Variants in EPC2 observed in about 807,000 individuals in gnomAD.
EPC2 encodes the protein enhancer of polycomb homolog 2.
In EPC2, 14 loss-of-function variants were observed where a neutral mutation model predicts 92.1. The ratio of observed to expected loss-of-function variants is 0.15; its 90% CI spans 0.10 to 0.24. The LOEUF (loss-of-function observed/expected upper bound fraction) is 0.24. Among genes scored for constraint, EPC2 ranks in the 10% least tolerant of loss-of-function variants. The pLI, the probability that EPC2 is intolerant of heterozygous loss-of-function variation, is 1.00. For synonymous variants in EPC2, 340 were observed against 334.7 expected (o/e 1.02, Z -0.17); for missense variants, 755 against 971.5 (o/e 0.78, Z 2.96).
intron 1 of EPC2, among the ~76,000 whole-genome samples, chr2:148,684,603 A>T (rs191876163): frequency 1.3e-5 from 2 of 152,234 alleles, no homozygotes; most frequent in South Asian, 4.1e-4. Context: ...ACTGTTTGGT[A>T]ATATTCATGA....
chr2:148,675,732 T>G (rs1036337375), intron 1 of EPC2, among the ~76,000 whole-genome samples: 1 of 152,250 alleles, frequency 6.6e-6, no homozygotes, highest in Non-Finnish European at 1.5e-5. Flanking sequence ...ACTCTTGTGC[T>G]GATGGCCTAT....
chr2:148,752,712 C>G (rs750586532), intron 3 of EPC2, among the ~76,000 whole-genome samples: 1 of 152,036 alleles, frequency 6.6e-6, no homozygotes, highest in African/African-American at 2.4e-5. Flanking sequence ...AATAAGAAAC[C>G]GATGAATTAA....
chr2:148,774,624 T>TATTATATA (rs935978031), intron 10 of EPC2, among the ~76,000 whole-genome samples: 3 of 132,574 alleles, frequency 2.3e-5, no homozygotes, highest in East Asian at 2.6e-4. Flanking sequence ...AAAATATATT[T>TATTATATA]TATATATATA....
At chr2:148,676,687 TG>T (rs1195351732) in intron 1 of EPC2, among the ~76,000 whole-genome samples, 1 of 152,004 alleles carries the variant, frequency 6.6e-6, no homozygotes, top group Non-Finnish European at 1.5e-5. Flanking sequence ...AAAGTTATGT[TG>T]TTTTTTTACT....
intron 1 of EPC2, among the ~76,000 whole-genome samples, chr2:148,647,318 G>T (rs1683823571): frequency 6.6e-6 from 1 of 151,872 alleles, no homozygotes; most frequent in Admixed American, 6.6e-5. Context: ...TTGTTTATTT[G>T]TTTTTTGAGA....
At chr2:148,690,075 G>T (rs1231159621) in intron 1 of EPC2, 139 bp from the exon 2 acceptor site, 2 of 733,962 alleles carry the variant, frequency 2.7e-6, no homozygotes, top group East Asian at 2.9e-5. Context: ...CAATGTAACT[G>T]TAGGTCTTTG....
At chr2:148,698,278 C>A (rs1404454273) in intron 2 of EPC2, among the ~76,000 whole-genome samples, 1 of 152,104 alleles carries the variant, frequency 6.6e-6, no homozygotes, top group Admixed American at 6.6e-5. Flanking sequence ...AAGCCACCTC[C>A]CTGCCCCACC....
chr2:148,658,891 TTCCCCC>T (rs1680877437), intron 1 of EPC2, among the ~76,000 whole-genome samples: 1 of 152,046 alleles, frequency 6.6e-6, no homozygotes, highest in Non-Finnish European at 1.5e-5. Flanking sequence ...TGTATATCTT[TTCCCCC>T]TTTGTGTAGT....
At chr2:148,767,883 T>C (rs1438616454) in intron 7 of EPC2, among the ~76,000 whole-genome samples, 1 of 152,210 alleles carries the variant, frequency 6.6e-6, no homozygotes, top group African/African-American at 2.4e-5. Context: ...GTGTATATCT[T>C]AGAATAGGTA....
intron 1 of EPC2, among the ~76,000 whole-genome samples, chr2:148,662,655 C>A (rs756450492): frequency 6.1e-5 from 9 of 146,456 alleles, no homozygotes; most frequent in Non-Finnish European, 1.0e-4. Context: ...CATAACACAC[C>A]GGGGACTGTT....
At chr2:148,738,669 A>T (rs1682815868) in intron 2 of EPC2, among the ~76,000 whole-genome samples, 1 of 152,228 alleles carries the variant, frequency 6.6e-6, no homozygotes, top group African/African-American at 2.4e-5. Context: ...TATAGAAAAT[A>T]GAATGTTTTG....
At chr2:148,695,389 A>C (rs1245555394) in intron 2 of EPC2, among the ~76,000 whole-genome samples, 1 of 152,230 alleles carries the variant, frequency 6.6e-6, no homozygotes. Flanking sequence ...GTGTGTGGAC[A>C]CTGCTGTACA....
At chr2:148,709,542 A>T (rs558069143) in intron 2 of EPC2, among the ~76,000 whole-genome samples, 1 of 152,256 alleles carries the variant, frequency 6.6e-6, no homozygotes, top group East Asian at 1.9e-4. Context: ...TGCCAAGACA[A>T]TCCTAAGCCA....
chr2:148,653,237 A>G (rs966251602), intron 1 of EPC2, among the ~76,000 whole-genome samples: 20 of 152,188 alleles, frequency 1.3e-4, no homozygotes, highest in African/African-American at 4.6e-4. Context: ...ACTTGGATTG[A>G]GTTTCGTTGT....
At chr2:148,733,479 A>ATTTTTTTTTTTTTTTT (rs34219179) in intron 2 of EPC2, among the ~76,000 whole-genome samples, 2 of 26,648 alleles carry the variant, frequency 7.5e-5, no homozygotes, top group Admixed American at 6.4e-4. Context: ...CTCTCTCTGG[A>ATTTTTTTTTTTTTTTT]TTTTTTTTTT....
intron 2 of EPC2, among the ~76,000 whole-genome samples, chr2:148,690,933 G>A (rs1373791808): frequency 2.6e-5 from 4 of 152,322 alleles, no homozygotes; most frequent in Admixed American, 6.5e-5. Flanking sequence ...AGAGTGCTGG[G>A]ATTACAGGTG....
chr2:148,680,021 A>T (rs1261763036), intron 1 of EPC2, among the ~76,000 whole-genome samples: 1 of 151,968 alleles, frequency 6.6e-6, no homozygotes, highest in Non-Finnish European at 1.5e-5. Context: ...TGGTGTTCCA[A>T]CTTGGGATTC....
intron 2 of EPC2, among the ~76,000 whole-genome samples, chr2:148,715,659 T>G (rs1334242974): frequency 6.6e-6 from 1 of 152,234 alleles, no homozygotes; most frequent in African/African-American, 2.4e-5. Flanking sequence ...GGTAGTATGA[T>G]GCCTTCATGT....
chr2:148,751,601 G>A (rs944434075), intron 3 of EPC2, among the ~76,000 whole-genome samples: 9 of 152,002 alleles, frequency 5.9e-5, no homozygotes, highest in East Asian at 1.9e-4. Flanking sequence ...TGACTCTCCC[G>A]AGTAGCTAGG....
Sources: allele counts gnomAD v4.1 joint callset (sites outside exome capture counted in the v4.1 genomes callset), GRCh38; gene constraint gnomAD v4.1.1; transcripts MANE v1.5; gene names NCBI Gene and HGNC (gene_info 2026-07-23, HGNC 2026-07-21).